APBA2: variants seen among roughly 807,000 people sequenced by gnomAD.
APBA2 encodes amyloid-beta A4 precursor protein-binding family A member 2.
APBA2 carries 30 observed loss-of-function variants against 75.0 expected under a neutral mutation model. The ratio of observed to expected loss-of-function variants is 0.40; its 90% CI spans 0.30 to 0.54. The LOEUF (loss-of-function observed/expected upper bound fraction) is 0.54, where lower values mean the gene tolerates loss of function less well. Among genes scored for constraint, APBA2 ranks in the 20% least tolerant of loss-of-function variants. The pLI is 0.49. For missense variants in APBA2, 801 were observed against 1,016.1 expected, an observed-to-expected ratio of 0.79 and a Z score of 2.88; for synonymous variants, 444 against 409.6, an observed-to-expected ratio of 1.08 and a Z score of -1.01.
chr15:29,062,857 T>C (rs114156311), intron 4 of APBA2, among the ~76,000 whole-genome samples: 2,303 of 152,130 alleles, frequency 0.015, 73 homozygotes, highest in African/African-American at 0.053. Flanking sequence ...GGGAACATTC[T>C]GGATGGGCCA....
At chr15:29,092,941 A>T (rs560170544) in intron 6 of APBA2, 134 bp from the exon 7 acceptor site, 1 of 1,192,638 alleles carries the variant, frequency 8.4e-7, no homozygotes, top group Non-Finnish European at 1.2e-6. Flanking sequence ...CTGGCTGCAG[A>T]TGGCAATGGT....
intron 3 of APBA2, among the ~76,000 whole-genome samples, chr15:28,996,385 C>T (rs930979277): frequency 1.3e-5 from 2 of 152,118 alleles, no homozygotes; most frequent in Admixed American, 1.3e-4. Context: ...CATCCTCCCT[C>T]CCTGTGCATG....
chr15:29,040,479 A>G (rs2040978091), intron 3 of APBA2, among the ~76,000 whole-genome samples: 1 of 152,254 alleles, frequency 6.6e-6, no homozygotes, highest in Non-Finnish European at 1.5e-5. Context: ...CCAGAGAACC[A>G]TAGCAAAGGC....
At chr15:29,026,165 G>T (rs1334119272) in intron 3 of APBA2, among the ~76,000 whole-genome samples, 3 of 152,134 alleles carry the variant, frequency 2.0e-5, no homozygotes, top group Non-Finnish European at 2.9e-5. Flanking sequence ...TCAATGCCCT[G>T]TATGGCCCGT....
chr15:28,901,775 C>A lies in APBA2; in HGVS notation c.-205+15497C>A, dbSNP rs1019306456. On this transcript the variant is annotated intron_variant, in intron 1 of 14. Coordinates refer to ENST00000683413, the MANE Select transcript of APBA2 (RefSeq NM_001353788.2). ...TGTTGGCCTGTGGACTGCTGCCTGG[C>A]CACCCTGCGGGGTTAGGGACGTCTC... is the stretch of plus-strand genomic sequence containing the variant. Among the ~76,000 whole-genome samples, 3 of 152,134 alleles carry A rather than the reference C, an allele frequency of 2.0e-5. 1 individual carries two copies. The highest frequency in any genetic ancestry group is 4.1e-4 in the South Asian group (2 of 4,824).
At chr15:28,953,546 G>A (rs143912405) in intron 2 of APBA2, among the ~76,000 whole-genome samples, 1 of 151,700 alleles carries the variant, frequency 6.6e-6, no homozygotes, top group African/African-American at 2.4e-5. Context: ...TCGGACTTTT[G>A]CCCCTTCCAC....
chr15:29,111,230 G>A lies in APBA2; in HGVS notation c.2038-2646G>A, dbSNP rs557667072. Among the ~76,000 whole-genome samples the A allele has an allele frequency of 3.3e-5, 5 of 152,098 alleles. No homozygotes were observed. The South Asian group carries it at 1.0e-3, about 32-fold the overall frequency. Reference sequence around the variant, plus strand: ...GGCCAAGCGTCTGTGAAACTTGGGGGGTGGTCTGGGTCACGACTGGGGACG... The same window carrying A: ...GGCCAAGCGTCTGTGAAACTTGGGGAGTGGTCTGGGTCACGACTGGGGACG... On this transcript the variant is annotated intron_variant, in intron 13 of 14. Coordinates refer to ENST00000683413, the MANE Select transcript of APBA2 (RefSeq NM_001353788.2).
chr15:28,975,524 G>T (rs547216956), intron 2 of APBA2, among the ~76,000 whole-genome samples: 21 of 152,214 alleles, frequency 1.4e-4, no homozygotes, highest in Admixed American at 9.8e-4. Context: ...CTCTAAATAG[G>T]TAGTTACCAG....
At chr15:28,944,921 C>A (rs1287650390) in intron 2 of APBA2, among the ~76,000 whole-genome samples, 1 of 152,176 alleles carries the variant, frequency 6.6e-6, no homozygotes, top group Non-Finnish European at 1.5e-5. Flanking sequence ...GTGGAAGCTG[C>A]TAGAAGGTGG....
chr15:29,072,658 G>T (rs1376557913), intron 4 of APBA2, among the ~76,000 whole-genome samples: 2 of 152,144 alleles, frequency 1.3e-5, no homozygotes, highest in African/African-American at 2.4e-5. Flanking sequence ...TAGGGGGAAG[G>T]ATGGGTTTTG....
intron 3 of APBA2, among the ~76,000 whole-genome samples, chr15:29,045,089 C>CTT (rs1013948566): frequency 0.053 from 6,838 of 128,848 alleles, 637 homozygotes; most frequent in African/African-American, 0.29. Context: ...CTCTCTCTCT[C>CTT]TCTCTCTCTC....
intron 2 of APBA2, among the ~76,000 whole-genome samples, chr15:28,941,708 C>A (rs1403585652): frequency 6.6e-6 from 1 of 152,178 alleles, no homozygotes; most frequent in Non-Finnish European, 1.5e-5. Context: ...CTCTTCTTCC[C>A]TGCCTGAGGA....
chr15:29,022,750 A>C (rs1463091699), intron 3 of APBA2, among the ~76,000 whole-genome samples: 1 of 152,170 alleles, frequency 6.6e-6, no homozygotes, highest in Non-Finnish European at 1.5e-5. Flanking sequence ...GAATTTTATT[A>C]TTCTCATTGG....
intron 3 of APBA2, among the ~76,000 whole-genome samples, chr15:29,038,403 A>T (rs2040853129): frequency 1.3e-5 from 2 of 152,142 alleles, no homozygotes; most frequent in Admixed American, 6.5e-5. Flanking sequence ...TCATCCTTGA[A>T]TGGTTAGCTT....
intron 14 of APBA2, 38 bp from the exon 15 acceptor site, chr15:29,117,024 G>A: frequency 2.5e-6 from 4 of 1,603,318 alleles, no homozygotes; most frequent in Non-Finnish European, 3.4e-6. Flanking sequence ...GAGGGGAGGT[G>A]GGAGGGCAGC....
chr15:29,013,219 C>G (rs575900460), intron 3 of APBA2, among the ~76,000 whole-genome samples: 1 of 149,808 alleles, frequency 6.7e-6, no homozygotes, highest in Non-Finnish European at 1.5e-5. Context: ...TGCACCCATA[C>G]AGCAACTATC....
At chr15:28,970,336 T>TATG (rs1281375438) in intron 2 of APBA2, 1 of 150,350 alleles carries the variant, frequency 6.7e-6, no homozygotes, top group Non-Finnish European at 1.5e-5. Context: ...TGATGTAATG[T>TATG]ATGATATGTA....
At chr15:29,023,083 G>A (rs538792632) in intron 3 of APBA2, among the ~76,000 whole-genome samples, 47 of 152,132 alleles carry the variant, frequency 3.1e-4, no homozygotes, top group Admixed American at 3.3e-4. Context: ...CTAATAATTC[G>A]TCCGTTGATT....
At chr15:28,942,262 T>C (rs1047666474) in intron 2 of APBA2, among the ~76,000 whole-genome samples, 2 of 152,190 alleles carry the variant, frequency 1.3e-5, no homozygotes, top group Admixed American at 1.3e-4. Flanking sequence ...CGCTCCTTCC[T>C]GCAGCACTCG....
Sources: allele counts gnomAD v4.1 joint callset (sites outside exome capture counted in the v4.1 genomes callset), GRCh38; gene constraint gnomAD v4.1.1; transcripts MANE v1.5; gene names NCBI Gene and HGNC (gene_info 2026-07-23, HGNC 2026-07-21).